The following NALCN variants were observed in gnomAD, a reference collection of about 807,000 sequenced individuals.
NALCN encodes the protein sodium leak channel, non-selective, also known as sodium leak channel NALCN.
In NALCN, 111 loss-of-function variants were observed where a neutral mutation model predicts 225.3. The ratio of observed to expected loss-of-function variants is 0.49; its 90% CI spans 0.42 to 0.58. NALCN has a LOEUF of 0.58. Ranked by LOEUF, NALCN falls within the 20% of genes least tolerant of loss-of-function variation. The pLI, the probability that NALCN is intolerant of heterozygous loss-of-function variation, is 0.00. For missense variants in NALCN, 1,378 were observed against 2,202.4 expected (o/e 0.63, Z 7.49); for synonymous variants, 764 against 769.0 (o/e 0.99, Z 0.11).
At position 101,065,566 on chromosome 13, in the gene NALCN, G is replaced by A. The variant is rs72650833; in HGVS notation, c.4447-5C>T. 3.3e-4 allele frequency: 529 copies of A among 1,613,442 alleles called. No individual in the cohort carries two copies. Among genetic ancestry groups the A allele is most frequent in the Non-Finnish European group, 4.2e-4 (497 of 1,179,902 alleles). On this transcript the variant is annotated splice_region_variant and splice_polypyrimidine_tract_variant and intron_variant, in intron 39 of 43. Coordinates refer to ENST00000251127, the MANE Select transcript of NALCN (RefSeq NM_052867.4). ...GCGGAACGTGGGGATCACCCCCTGC[G>A]GGGCAGAGCACAAGAAGTAGCAAAT... is the stretch of plus-strand genomic sequence containing the variant.
At chr13:101,309,082 T>G (rs1273601329) in intron 7 of NALCN, among the ~76,000 whole-genome samples, 1 of 152,212 alleles carries the variant, frequency 6.6e-6, no homozygotes, top group Non-Finnish European at 1.5e-5. Flanking sequence ...AATGGTATGA[T>G]TCAACAACAT....
chr13:101,203,254 C>T (rs931665669), intron 13 of NALCN, among the ~76,000 whole-genome samples: 3 of 152,146 alleles, frequency 2.0e-5, no homozygotes, highest in Admixed American at 6.5e-5. Flanking sequence ...TCGCTCTTGT[C>T]GCCCAGGCTG....
chr13:101,103,480 A>C, intron 25 of NALCN, 141 bp from the exon 26 acceptor site: 1 of 997,672 alleles, frequency 1.0e-6, no homozygotes. Context: ...AACTTTAAAC[A>C]ACAAACCTCA....
chr13:101,318,115 G>A (rs878993153), intron 7 of NALCN, among the ~76,000 whole-genome samples: 1 of 152,152 alleles, frequency 6.6e-6, no homozygotes, highest in South Asian at 2.1e-4. Flanking sequence ...CACTTCACCA[G>A]CCGGAAACCT....
chr13:101,167,809 A>C (rs1432826512), intron 15 of NALCN, among the ~76,000 whole-genome samples: 1 of 150,734 alleles, frequency 6.6e-6, no homozygotes, highest in Admixed American at 6.7e-5. Flanking sequence ...ACTGCACTCC[A>C]GCCTAAGGAA....
intron 14 of NALCN, among the ~76,000 whole-genome samples, chr13:101,177,820 C>T (rs968059792): frequency 2.6e-5 from 4 of 152,008 alleles, no homozygotes; most frequent in Non-Finnish European, 5.9e-5. Context: ...ATAATTCAGC[C>T]AGTGCTAGAG....
At chr13:101,367,946 A>G (rs1019368047) in intron 6 of NALCN, among the ~76,000 whole-genome samples, 19 of 151,716 alleles carry the variant, frequency 1.3e-4, no homozygotes, top group African/African-American at 2.7e-4. Context: ...TTCACTTTGA[A>G]TGTTCTTACA....
At chr13:101,374,272 C>CTTTTTTTT (rs869167949) in intron 6 of NALCN, among the ~76,000 whole-genome samples, 3 of 119,928 alleles carry the variant, frequency 2.5e-5, no homozygotes, top group Non-Finnish European at 3.5e-5. Flanking sequence ...AAATTTCTTT[C>CTTTTTTTT]TTTTTTTTTT....
At chr13:101,073,828 G>T (rs2033069606) in intron 36 of NALCN, 151 bp from the exon 37 acceptor site, 2 of 610,074 alleles carry the variant, frequency 3.3e-6, no homozygotes, top group Non-Finnish European at 5.6e-6. Flanking sequence ...TTATTAATTT[G>T]TCATTTATAC....
At chr13:101,162,202 T>C (rs1371293183) in intron 15 of NALCN, among the ~76,000 whole-genome samples, 1 of 152,214 alleles carries the variant, frequency 6.6e-6, no homozygotes, top group Non-Finnish European at 1.5e-5. Flanking sequence ...AGAAAGCTCA[T>C]CTCAATCTTT....
intron 14 of NALCN, among the ~76,000 whole-genome samples, chr13:101,183,678 T>C (rs1479488340): frequency 6.6e-6 from 1 of 152,144 alleles, no homozygotes; most frequent in Non-Finnish European, 1.5e-5. Flanking sequence ...CAGGCTGGTC[T>C]GGAATTCCCG....
intron 13 of NALCN, among the ~76,000 whole-genome samples, chr13:101,208,031 C>T (rs1409583347): frequency 1.3e-5 from 2 of 151,822 alleles, no homozygotes; most frequent in Non-Finnish European, 2.9e-5. Context: ...AGGTCTGCAG[C>T]GTCACTCCTG....
At chr13:101,131,629 A>T (rs2036525426) in intron 17 of NALCN, among the ~76,000 whole-genome samples, 2 of 152,170 alleles carry the variant, frequency 1.3e-5, no homozygotes, top group African/African-American at 4.8e-5. Flanking sequence ...GGAGCAAAGA[A>T]GATGTTCTAC....
In NALCN at chr13:101,168,018, T is replaced by A. The variant is rs2139899282; in HGVS notation, c.1839+8282A>T. Among the ~76,000 whole-genome samples the A allele has an allele frequency of 3.3e-5, 5 of 152,274 alleles. No homozygotes were observed. The South Asian group carries it at 1.0e-3, about 32-fold the overall frequency. On this transcript the variant is annotated intron_variant, in intron 15 of 43. Transcript: ENST00000251127. ...GGTGCTACTGTAAATGGGATTGCTT[T>A]CCATGGTGACTATTTTTTTGACCTC...
chr13:101,240,617 T>C (rs1305881372), intron 11 of NALCN, among the ~76,000 whole-genome samples: 3 of 152,122 alleles, frequency 2.0e-5, no homozygotes, highest in African/African-American at 4.8e-5. Flanking sequence ...TACAGTTATA[T>C]AATGGTTGCT....
At chr13:101,340,433 C>T (rs559359926) in intron 7 of NALCN, among the ~76,000 whole-genome samples, 3 of 152,320 alleles carry the variant, frequency 2.0e-5, no homozygotes, top group Non-Finnish European at 4.4e-5. Flanking sequence ...TATTATTACA[C>T]CATTTTCCCT....
At chr13:101,285,564 C>T (rs2043310373) in intron 9 of NALCN, among the ~76,000 whole-genome samples, 1 of 152,138 alleles carries the variant, frequency 6.6e-6, no homozygotes, top group Non-Finnish European at 1.5e-5. Context: ...CTTCTGCCTC[C>T]TATATGTATT....
At chr13:101,076,148 A>G (rs1221410242) in intron 34 of NALCN, among the ~76,000 whole-genome samples, 1 of 152,216 alleles carries the variant, frequency 6.6e-6, no homozygotes, top group Admixed American at 6.5e-5. Context: ...CTCAAATGAA[A>G]CTTCGGGTTC....
At chr13:101,288,292 T>C (rs7332702) in intron 9 of NALCN, among the ~76,000 whole-genome samples, 29,420 of 152,160 alleles carry the variant, frequency 0.19, 2,995 homozygotes, top group East Asian at 0.34. Flanking sequence ...CATATTTTAA[T>C]GATGTATATT....
Sources: gnomAD v4.1 joint callset for allele counts (sites outside exome capture counted in the v4.1 genomes callset) on GRCh38, gnomAD v4.1.1 for gene constraint, MANE v1.5 for transcripts, NCBI Gene and HGNC (gene_info 2026-07-23, HGNC 2026-07-21) for gene names.